The following FRMD4A variants were observed in gnomAD, a reference collection of about 807,000 sequenced individuals.
FRMD4A encodes FERM domain containing 4A, also known as FERM domain-containing protein 4A.
FRMD4A carries 29 observed loss-of-function variants against 129.1 expected under a neutral mutation model. That is an observed-to-expected ratio of 0.22 (90% confidence interval 0.17 to 0.31). The LOEUF (loss-of-function observed/expected upper bound fraction) is 0.31, where lower values mean the gene tolerates loss of function less well. Among genes scored for constraint, FRMD4A ranks in the 10% least tolerant of loss-of-function variants. FRMD4A has a pLI of 1.00. For missense variants in FRMD4A, 1,272 were observed against 1,375.8 expected, an observed-to-expected ratio of 0.92 and a Z score of 1.19; for synonymous variants, 634 against 571.6, an observed-to-expected ratio of 1.11 and a Z score of -1.56.
At chr10:14,048,143 A>C (rs1250409025) in intron 2 of FRMD4A, among the ~76,000 whole-genome samples, 1 of 152,212 alleles carries the variant, frequency 6.6e-6, no homozygotes, top group Non-Finnish European at 1.5e-5. Flanking sequence ...GCTAGGCTAA[A>C]GAAGGCAGCA....
In FRMD4A at chr10:13,932,254, G is replaced by A. The variant is rs548387603; in HGVS notation, c.46-73342C>T. ...CATAGAAGGTGCTCAACAAATGTTTGTTCAATGAAAGTTGAATGAGTGCTT... is the reference window on the plus strand; with the variant it reads ...CATAGAAGGTGCTCAACAAATGTTTATTCAATGAAAGTTGAATGAGTGCTT... On this transcript the variant is annotated intron_variant, in intron 2 of 24. Coordinates refer to ENST00000357447, the MANE Select transcript of FRMD4A (RefSeq NM_018027.5). 8.5e-5 allele frequency among the ~76,000 whole-genome samples: 13 copies of A among 152,298 alleles called. No homozygotes were observed. The South Asian group carries it at 2.7e-3, about 32-fold the overall frequency.
intron 2 of FRMD4A, among the ~76,000 whole-genome samples, chr10:13,917,186 AAC>A (rs765372009): frequency 3.8e-4 from 58 of 152,318 alleles, no homozygotes; most frequent in Non-Finnish European, 6.2e-4. Context: ...CGGATTGACA[AAC>A]ACAGGAGGGA....
chr10:14,267,890 T>C (rs1589246786), intron 2 of FRMD4A, among the ~76,000 whole-genome samples: 2 of 152,234 alleles, frequency 1.3e-5, no homozygotes, highest in African/African-American at 2.4e-5. Context: ...TTCTAGAATC[T>C]AAATCACTGA....
chr10:13,906,798 C>T (rs956880586), intron 2 of FRMD4A, among the ~76,000 whole-genome samples: 2 of 152,236 alleles, frequency 1.3e-5, no homozygotes, highest in South Asian at 2.1e-4. Context: ...TGCTCCTTGC[C>T]GAGATGTTCG....
intron 2 of FRMD4A, among the ~76,000 whole-genome samples, chr10:14,000,435 T>C (rs769812172): frequency 1.7e-4 from 26 of 151,250 alleles, no homozygotes; most frequent in Non-Finnish European, 3.2e-4. Flanking sequence ...TCACTTGAGG[T>C]CAGGAGTTCA....
At chr10:14,017,519 G>A (rs866704855) in intron 2 of FRMD4A, among the ~76,000 whole-genome samples, 5 of 152,162 alleles carry the variant, frequency 3.3e-5, no homozygotes, top group African/African-American at 1.2e-4. Context: ...TCAAATTTCA[G>A]GTGTCTTAAT....
intron 3 of FRMD4A, among the ~76,000 whole-genome samples, chr10:13,842,806 G>A (rs10906512): frequency 0.29 from 43,874 of 152,108 alleles, 6,623 homozygotes; most frequent in Middle Eastern, 0.43. Context: ...TCTAGCCTGG[G>A]TGACAAAGCA....
chr10:14,213,451 T>A (rs1386132309), intron 2 of FRMD4A, among the ~76,000 whole-genome samples: 1 of 152,172 alleles, frequency 6.6e-6, no homozygotes, highest in Admixed American at 6.5e-5. Context: ...GTAGCTTGTC[T>A]GAGGCCACAC....
intron 2 of FRMD4A, among the ~76,000 whole-genome samples, chr10:14,020,819 A>T (rs757903539): frequency 6.6e-6 from 1 of 152,128 alleles, no homozygotes; most frequent in African/African-American, 2.4e-5. Context: ...ATTCCCAATC[A>T]TTCAAGGGGG....
At chr10:14,221,997 G>GAA (rs1843278252) in intron 2 of FRMD4A, among the ~76,000 whole-genome samples, 1 of 152,156 alleles carries the variant, frequency 6.6e-6, no homozygotes, top group Admixed American at 6.5e-5. Context: ...ACTTCTTGTA[G>GAA]GTTTTGCGGT....
chr10:13,897,402 TG>T (rs2094770649), intron 2 of FRMD4A, among the ~76,000 whole-genome samples: 1 of 152,144 alleles, frequency 6.6e-6, no homozygotes. Flanking sequence ...TGGAAAGAGC[TG>T]AACTCTTAAA....
intron 2 of FRMD4A, among the ~76,000 whole-genome samples, chr10:14,135,910 C>T (rs1346597711): frequency 6.6e-6 from 1 of 152,088 alleles, no homozygotes; most frequent in Non-Finnish European, 1.5e-5. Flanking sequence ...TTCTAACAAT[C>T]GCACAAATAA....
chr10:14,140,136 A>G (rs1161087953), intron 2 of FRMD4A, among the ~76,000 whole-genome samples: 1 of 152,114 alleles, frequency 6.6e-6, no homozygotes, highest in Non-Finnish European at 1.5e-5. Context: ...ATCTCGGCTC[A>G]CTGCAACCTC....
At chr10:14,025,710 G>A (rs898536452) in intron 2 of FRMD4A, among the ~76,000 whole-genome samples, 2 of 152,100 alleles carry the variant, frequency 1.3e-5, no homozygotes, top group African/African-American at 2.4e-5. Context: ...CAGCTGCCTG[G>A]CCATCATCAT....
chr10:14,042,830 G>T (rs1056495532), intron 2 of FRMD4A, among the ~76,000 whole-genome samples: 3 of 147,462 alleles, frequency 2.0e-5, no homozygotes, highest in African/African-American at 5.0e-5. Flanking sequence ...GGTGGGCGTG[G>T]TAGTGCAAAC....
At chr10:13,980,554 A>AC (rs1468910739) in intron 2 of FRMD4A, among the ~76,000 whole-genome samples, 1 of 151,948 alleles carries the variant, frequency 6.6e-6, no homozygotes, top group Non-Finnish European at 1.5e-5. Context: ...ACATAGAAAG[A>AC]CCCCATCTCT....
chr10:13,968,936 C>A (rs191704391), intron 2 of FRMD4A, among the ~76,000 whole-genome samples: 2 of 152,238 alleles, frequency 1.3e-5, no homozygotes, highest in Admixed American at 6.5e-5. Flanking sequence ...GCAGTTCTTG[C>A]GTTCTTGGCT....
At chr10:14,272,086 C>G (rs1845180636) in intron 2 of FRMD4A, among the ~76,000 whole-genome samples, 1 of 152,094 alleles carries the variant, frequency 6.6e-6, no homozygotes, top group Non-Finnish European at 1.5e-5. Flanking sequence ...CATACAGCAG[C>G]ATGAACAAAT....
chr10:14,205,475 A>G (rs893786203), intron 2 of FRMD4A, among the ~76,000 whole-genome samples: 3 of 152,130 alleles, frequency 2.0e-5, no homozygotes, highest in Non-Finnish European at 2.9e-5. Context: ...GTGAAAGTGG[A>G]CTAAGAAACC....
Sources: gnomAD v4.1 joint callset for allele counts (sites outside exome capture counted in the v4.1 genomes callset) on GRCh38, gnomAD v4.1.1 for gene constraint, MANE v1.5 for transcripts, NCBI Gene and HGNC (gene_info 2026-07-23, HGNC 2026-07-21) for gene names.